Variants in CLVS2 observed in about 807,000 individuals in gnomAD.
The protein encoded by CLVS2 is clavesin-2.
CLVS2 carries 19 observed loss-of-function variants against 29.0 expected under a neutral mutation model. That is an observed-to-expected ratio of 0.66 (90% CI 0.46 to 0.96). The LOEUF (loss-of-function observed/expected upper bound fraction) is 0.96. Among genes scored for constraint, CLVS2 ranks in the 40% least tolerant of loss-of-function variants. The probability of loss-of-function intolerance (pLI) is 0.00; values close to 1 mark genes in which losing one functional copy is unlikely to be tolerated. For missense variants in CLVS2, 294 were observed against 404.1 expected, an observed-to-expected ratio of 0.73 and a Z score of 2.34; for synonymous variants, 161 against 151.3, an observed-to-expected ratio of 1.06 and a Z score of -0.47.
At chr6:123,001,488 C>A (rs960688533) in intron 2 of CLVS2, among the ~76,000 whole-genome samples, 1 of 152,162 alleles carries the variant, frequency 6.6e-6, no homozygotes, top group African/African-American at 2.4e-5. Flanking sequence ...GCCCAGATGA[C>A]CTGTTACATT....
chr6:123,030,623 A>G (rs1775069313), intron 3 of CLVS2, among the ~76,000 whole-genome samples: 5 of 152,056 alleles, frequency 3.3e-5, no homozygotes, highest in Non-Finnish European at 1.5e-5. Context: ...TTGAAGTGGA[A>G]CTAGGCTGTA....
Position 123,018,381 on chromosome 6 carries a change from A to G in CLVS2, c.564+7222A>G, listed in dbSNP as rs1406102413. On this transcript the variant is annotated intron_variant, in intron 3 of 5. Transcript: ENST00000275162. ...TATCCTTTTAGAACACTAGGACTCAATGGCATCGGTTTTTTCTGTAGATAC... is the reference window on the plus strand; with the variant it reads ...TATCCTTTTAGAACACTAGGACTCAGTGGCATCGGTTTTTTCTGTAGATAC... Among the ~76,000 whole-genome samples, 4 of 152,052 alleles carry G rather than the reference A, an allele frequency of 2.6e-5. No individual in the cohort carries two copies. The East Asian group carries it at 5.8e-4, about 22-fold the overall frequency.
chr6:123,056,368 C>T (rs956686846), intron 5 of CLVS2, among the ~76,000 whole-genome samples: 1 of 151,978 alleles, frequency 6.6e-6, no homozygotes, highest in Non-Finnish European at 1.5e-5. Flanking sequence ...TCCCTATCCA[C>T]CCCCCCAAAC....
Position 123,067,256 on chromosome 6 carries a change from G to T in CLVS2, c.*3495G>T, listed in dbSNP as rs1772876872. 1 of 151,696 alleles carries T rather than the reference G, an allele frequency of 6.6e-6. No individual in the cohort carries two copies. Among genetic ancestry groups the T allele is most frequent in the Admixed American group, 6.6e-5 (1 of 15,162 alleles). The allele number at this position is 151,696 out of a possible 1,614,324, so 9.4% of individuals were successfully genotyped here. A position where few individuals can be genotyped will look rare whatever the true frequency, so the allele number is the denominator to read the frequency against. On this transcript the variant is annotated 3_prime_UTR_variant, in exon 6 of 6. Transcript: ENST00000275162. ...AAAAGAGGTCCCTCTATTGCATCAA[G>T]AAATTGGAGAGTTGTTTTAGACATT...
At chr6:123,057,883 T>TG (rs1772717855) in intron 5 of CLVS2, among the ~76,000 whole-genome samples, 1 of 152,196 alleles carries the variant, frequency 6.6e-6, no homozygotes, top group African/African-American at 2.4e-5. Context: ...GGTTCATGGA[T>TG]GGGCTCTCAA....
intron 3 of CLVS2, among the ~76,000 whole-genome samples, chr6:123,034,321 T>C (rs535318886): frequency 6.6e-6 from 1 of 152,224 alleles, no homozygotes; most frequent in African/African-American, 2.4e-5. Context: ...TGTCCTAAAA[T>C]AGGTGAATGG....
chr6:123,020,792 TA>T (rs1385980045), intron 3 of CLVS2, among the ~76,000 whole-genome samples: 2 of 152,056 alleles, frequency 1.3e-5, no homozygotes, highest in Non-Finnish European at 2.9e-5. Context: ...GTCTATCAAT[TA>T]TATTATATAC....
chr6:123,048,538 A>C (rs1043407841), intron 3 of CLVS2, 84 bp from the exon 4 acceptor site: 1 of 871,480 alleles, frequency 1.1e-6, no homozygotes, highest in Non-Finnish European at 1.9e-6. Context: ...TGAAAGAATA[A>C]ATTTGTATAC....
chr6:123,057,068 T>C (rs193051494), intron 5 of CLVS2, among the ~76,000 whole-genome samples: 23 of 152,300 alleles, frequency 1.5e-4, no homozygotes, highest in Non-Finnish European at 3.4e-4. Context: ...CAAGTAGATG[T>C]GTAATTCTCA....
chr6:122,999,039 A>G (rs1350515542), intron 2 of CLVS2, among the ~76,000 whole-genome samples: 1 of 152,226 alleles, frequency 6.6e-6, no homozygotes, highest in Non-Finnish European at 1.5e-5. Context: ...AGATATAAGA[A>G]ATTATAAAAG....
intron 3 of CLVS2, among the ~76,000 whole-genome samples, chr6:123,026,008 AT>A (rs931472809): frequency 9.5e-4 from 144 of 152,092 alleles, no homozygotes; most frequent in African/African-American, 3.4e-3. Context: ...TATATTGATA[AT>A]TTTAATGCTG....
intron 2 of CLVS2, among the ~76,000 whole-genome samples, chr6:123,001,233 G>A (rs1774585019): frequency 6.6e-6 from 1 of 152,160 alleles, no homozygotes; most frequent in African/African-American, 2.4e-5. Context: ...GTGAGACAGT[G>A]ACTATAAATA....
intron 4 of CLVS2, among the ~76,000 whole-genome samples, chr6:123,052,233 G>A (rs191490768): frequency 6.2e-4 from 95 of 152,270 alleles, no homozygotes; most frequent in African/African-American, 2.0e-3. Flanking sequence ...GGTTTACCAA[G>A]GAAGGCCTTC....
intron 3 of CLVS2, among the ~76,000 whole-genome samples, chr6:123,017,349 T>C (rs1354186147): frequency 2.6e-5 from 4 of 152,064 alleles, no homozygotes; most frequent in African/African-American, 9.7e-5. Flanking sequence ...GGGAGGGGGC[T>C]GAAGCAATGC....
intron 2 of CLVS2, among the ~76,000 whole-genome samples, chr6:123,004,138 C>T (rs1774629964): frequency 6.6e-6 from 1 of 152,188 alleles, no homozygotes; most frequent in African/African-American, 2.4e-5. Flanking sequence ...TTTCTGAAGT[C>T]AAAGACTTTA....
chr6:123,051,194 G>C (rs867866939), intron 4 of CLVS2, among the ~76,000 whole-genome samples: 2 of 152,082 alleles, frequency 1.3e-5, no homozygotes, highest in African/African-American at 4.8e-5. Flanking sequence ...GAGAACTGAG[G>C]AAGCAGTTGT....
chr6:123,063,628 C>A, intron 5 of CLVS2, 46 bp from the exon 6 acceptor site: 1 of 1,109,298 alleles, frequency 9.0e-7, no homozygotes, highest in Non-Finnish European at 1.4e-6. Context: ...GTCATCTGCA[C>A]AATTACCTGG....
At chr6:123,062,378 T>C (rs1772791374) in intron 5 of CLVS2, among the ~76,000 whole-genome samples, 1 of 152,134 alleles carries the variant, frequency 6.6e-6, no homozygotes, top group Non-Finnish European at 1.5e-5. Flanking sequence ...TTTCTCCTTA[T>C]TGTCCTTTTC....
intron 3 of CLVS2, among the ~76,000 whole-genome samples, chr6:123,040,262 T>G (rs563391010): frequency 6.6e-6 from 1 of 152,240 alleles, no homozygotes; most frequent in African/African-American, 2.4e-5. Flanking sequence ...CTCCTGTAGG[T>G]TTTTTCCCCA....
Sources: allele counts gnomAD v4.1 joint callset (sites outside exome capture counted in the v4.1 genomes callset), GRCh38; gene constraint gnomAD v4.1.1; transcripts MANE v1.5; gene names NCBI Gene and HGNC (gene_info 2026-07-23, HGNC 2026-07-21).